GTPBP1: variants seen among roughly 807,000 people sequenced by gnomAD.
The protein encoded by GTPBP1 is GTP-binding protein 1.
Under a neutral mutation model 62.0 loss-of-function variants are expected in GTPBP1, and 23 were observed. The observed-to-expected ratio is 0.37, with a 90% CI of 0.27 to 0.53. GTPBP1 has a LOEUF of 0.53. GTPBP1 is among the 20% of genes least tolerant of loss of function. GTPBP1 has a pLI of 0.89. For missense variants in GTPBP1, 640 were observed against 917.3 expected (o/e 0.70, Z 3.90); for synonymous variants, 344 against 364.4 (o/e 0.94, Z 0.64).
At chr22:38,711,768 C>T (rs926706406) in intron 2 of GTPBP1, among the ~76,000 whole-genome samples, 8 of 151,776 alleles carry the variant, frequency 5.3e-5, no homozygotes, top group Middle Eastern at 3.2e-3. Context: ...ACCTGAACCC[C>T]GGAGGTGGAG....
chr22:38,720,781 G>A (rs897822775), intron 4 of GTPBP1, among the ~76,000 whole-genome samples: 2 of 152,168 alleles, frequency 1.3e-5, no homozygotes, highest in Admixed American at 6.5e-5. Context: ...TGCTAGTTGT[G>A]TGCTGGACAC....
chr22:38,739,548 C>T, downstream of GTPBP1: 2 of 1,344,100 alleles, frequency 1.5e-6, no homozygotes, highest in Non-Finnish European at 2.1e-6. The surrounding 1 kb of genome is among the most constrained non-coding windows in gnomAD (Gnocchi z 6.7). Flanking sequence ...TGCTGGTGCC[C>T]AGGCAGATGT....
At chr22:38,738,077 C>T (rs1361798234), downstream of GTPBP1, 1 of 1,114,912 alleles carries the variant, frequency 9.0e-7, no homozygotes, top group Admixed American at 1.7e-5. The surrounding 1 kb of genome is among the most constrained non-coding windows in gnomAD (Gnocchi z 6.6). Context: ...GCTTCCCTCT[C>T]TGAACCCCAT....
chr22:38,718,343 A>G (rs898472236), intron 4 of GTPBP1, among the ~76,000 whole-genome samples: 13 of 152,200 alleles, frequency 8.5e-5, no homozygotes, highest in African/African-American at 3.1e-4. Context: ...AAATATCTTC[A>G]CCCTGGACAA....
chr22:38,707,469 T>C (rs763210171), intron 1 of GTPBP1, among the ~76,000 whole-genome samples: 8 of 152,212 alleles, frequency 5.3e-5, no homozygotes, highest in Non-Finnish European at 1.2e-4. Context: ...GTCTTGTGCC[T>C]GTAAGGCCAT....
In GTPBP1 at chr22:38,726,500, G is replaced by T; in HGVS notation, c.1401+60G>T. The T allele has an allele frequency of 7.0e-7, 1 of 1,428,846 alleles. No individual in the cohort carries two copies. The highest frequency in any genetic ancestry group is 9.8e-7 in the Non-Finnish European group (1 of 1,022,172). 88.5% of individuals were successfully genotyped at this position (1,428,846 alleles called of 1,614,324 possible). On this transcript the variant is annotated intron_variant, in intron 8 of 11. Transcript: ENST00000216044. This position sits in a 1 kb window ranked among gnomAD's most constrained non-coding sequence, Gnocchi z 4.1. ...CTCCATCATGCTAGGCTCTTGGCCA[G>T]ATGCCCTGCTCACCCACTCTAGTCC...
In GTPBP1 at chr22:38,730,603, C is replaced by T. The variant is rs1320803261; in HGVS notation, c.1918-9C>T. 2 of 1,588,282 alleles carry T rather than the reference C, an allele frequency of 1.3e-6. No individual in the cohort carries two copies. The highest frequency in any genetic ancestry group is 1.7e-6 in the Non-Finnish European group (2 of 1,163,590). On this transcript the variant is annotated splice_polypyrimidine_tract_variant and intron_variant, in intron 11 of 11. Transcript: ENST00000216044. This position sits in a 1 kb window ranked among gnomAD's most constrained non-coding sequence, Gnocchi z 5.6. The stretch of plus-strand genomic sequence containing the variant: ...CCAGTGCTTCTCAAGCTCCTTCTCT[C>T]TCTTTCAGCCTAAGCCCAGCAGTGG...
At chr22:38,723,525 A>G (rs2092711723) in intron 5 of GTPBP1, 6 of 651,756 alleles carry the variant, frequency 9.2e-6, no homozygotes, top group South Asian at 1.8e-5. Context: ...CGCGGGCGAA[A>G]CTTCCTTTGT....
downstream of GTPBP1, chr22:38,739,496 G>A (rs2092836042): frequency 1.3e-6 from 2 of 1,558,416 alleles, no homozygotes; most frequent in Non-Finnish European, 1.8e-6. This position sits in a 1 kb window ranked among gnomAD's most constrained non-coding sequence, Gnocchi z 6.7. Flanking sequence ...TCGTGGCCGT[G>A]GGCCAAGGAC....
chr22:38,742,326 C>T (rs142901119), downstream of GTPBP1: 172 of 1,605,754 alleles, frequency 1.1e-4, no homozygotes, highest in African/African-American at 1.8e-3. Flanking sequence ...AGTTTCCCTG[C>T]GGAAATCCTC....
rs1403083261 is a variant in GTPBP1, at chr22:38,727,709, A to G, written c.1538-274A>G. On this transcript the variant is annotated intron_variant, in intron 9 of 11. Coordinates refer to ENST00000216044, the MANE Select transcript of GTPBP1 (RefSeq NM_004286.5). This position sits in a 1 kb window ranked among gnomAD's most constrained non-coding sequence, Gnocchi z 6.5. ...AGCCCACAGTCCAGCGAGGAGGTGC[A>G]TGTGCAGTGTGCTGTAATCCCAGGA... is the stretch of plus-strand genomic sequence containing the variant. Among the ~76,000 whole-genome samples the G allele has an allele frequency of 6.6e-6, 1 of 152,208 alleles. No individual in the cohort carries two copies. Among genetic ancestry groups the G allele is most frequent in the African/African-American group, 2.4e-5 (1 of 41,454 alleles).
chr22:38,727,880 C>A lies in GTPBP1; in HGVS notation c.1538-103C>A. ...GTAGCCCCAGAGATAAGCCCCCACC[C>A]TTCCACAGCTTAAGCGTATTTCATG... On this transcript the variant is annotated intron_variant, in intron 9 of 11. Coordinates refer to ENST00000216044, the MANE Select transcript of GTPBP1 (RefSeq NM_004286.5). This position sits in a 1 kb window ranked among gnomAD's most constrained non-coding sequence, Gnocchi z 6.5. 3 of 760,522 alleles carry A rather than the reference C, an allele frequency of 3.9e-6. No homozygotes were observed. The highest frequency in any genetic ancestry group is 3.2e-5 in the South Asian group (2 of 61,656). The allele number at this position is 760,522 out of a possible 1,614,324, so 47.1% of individuals were successfully genotyped here.
chr22:38,714,307 C>T (rs894625251), intron 2 of GTPBP1, among the ~76,000 whole-genome samples: 3 of 151,868 alleles, frequency 2.0e-5, no homozygotes, highest in Non-Finnish European at 4.4e-5. Context: ...GGTGAAACCC[C>T]GTCTCTACTG....
rs994604978 is a variant in GTPBP1, at chr22:38,731,539, C to G, written c.*835C>G. 1 of 152,776 alleles carries G rather than the reference C, an allele frequency of 6.5e-6. No individual in the cohort carries two copies. The highest frequency in any genetic ancestry group is 6.5e-5 in the Admixed American group (1 of 15,286). The allele number at this position is 152,776 out of a possible 1,614,324, so 9.5% of individuals were successfully genotyped here. A position where few individuals can be genotyped will look rare whatever the true frequency, so the allele number is the denominator to read the frequency against. ...GAGACAATCCTGCGTTTGCCTGGGC[C>G]GGCCCTGGCTGCCCTCAGCTTTCGC... On this transcript the variant is annotated 3_prime_UTR_variant, in exon 12 of 12. Coordinates refer to ENST00000216044, the MANE Select transcript of GTPBP1 (RefSeq NM_004286.5).
chr22:38,738,620 A>G (rs1252540988), downstream of GTPBP1: 2 of 1,613,824 alleles, frequency 1.2e-6, no homozygotes, highest in Non-Finnish European at 1.7e-6. The surrounding 1 kb of genome is among the most constrained non-coding windows in gnomAD (Gnocchi z 6.6). Context: ...CACTGGAGAT[A>G]GTGCTGTTGG....
downstream of GTPBP1, chr22:38,738,669 G>A (rs1834476402): frequency 6.2e-7 from 1 of 1,613,994 alleles, no homozygotes; most frequent in Non-Finnish European, 8.5e-7. This position sits in a 1 kb window ranked among gnomAD's most constrained non-coding sequence, Gnocchi z 6.6. Flanking sequence ...GGTAACGGCT[G>A]TGGGGCGGAT....
intron 2 of GTPBP1, among the ~76,000 whole-genome samples, chr22:38,712,934 G>C (rs777425681): frequency 2.0e-5 from 3 of 152,204 alleles, no homozygotes; most frequent in Non-Finnish European, 4.4e-5. Flanking sequence ...AACATTTGAG[G>C]AAAGGCACTG....
At chr22:38,738,843 C>T (rs758834174), downstream of GTPBP1, 16 of 1,594,578 alleles carry the variant, frequency 1.0e-5, no homozygotes, top group South Asian at 1.1e-4. The surrounding 1 kb of genome is among the most constrained non-coding windows in gnomAD (Gnocchi z 6.6). Flanking sequence ...GTGCTCAGAG[C>T]CCCCGCTGCT....
downstream of GTPBP1, chr22:38,741,169 AC>A: frequency 8.8e-7 from 1 of 1,137,826 alleles, no homozygotes; most frequent in East Asian, 2.6e-5. Context: ...AGGTCTCTTG[AC>A]CCCTGCAGCA....
Sources: gnomAD v4.1 joint callset for allele counts (sites outside exome capture counted in the v4.1 genomes callset) on GRCh38, gnomAD v4.1.1 for gene constraint, Gnocchi (gnomAD v3.1) non-coding constraint, MANE v1.5 for transcripts, NCBI Gene and HGNC (gene_info 2026-07-23, HGNC 2026-07-21) for gene names.